PLCL2: variants seen among roughly 807,000 people sequenced by gnomAD.
PLCL2 encodes inactive phospholipase C-like protein 2.
In PLCL2, 4 loss-of-function variants were observed where a neutral mutation model predicts 79.6. That is an observed-to-expected ratio of 0.05 (90% confidence interval 0.02 to 0.11). The LOEUF is 0.11. PLCL2 is among the 10% of genes least tolerant of loss of function. The pLI is 1.00. For synonymous variants in PLCL2, 484 were observed against 457.7 expected (o/e 1.06, Z -0.73); for missense variants, 895 against 1,291.0 (o/e 0.69, Z 4.70).
chr3:17,089,697 A>G (rs764209131), intron 5 of PLCL2, 36 bp from the exon 6 acceptor site: 7 of 1,218,240 alleles, frequency 5.7e-6, no homozygotes, highest in Non-Finnish European at 8.3e-6. Flanking sequence ...AAGTTATGTC[A>G]TATCTAATAC....
intron 1 of PLCL2, among the ~76,000 whole-genome samples, chr3:16,897,571 T>C (rs770259381): frequency 2.6e-5 from 4 of 152,260 alleles, no homozygotes; most frequent in South Asian, 4.1e-4. Flanking sequence ...CTTTGCTAAA[T>C]GAGTGTAGTA....
chr3:16,955,647 T>C (rs1464304927), intron 1 of PLCL2, among the ~76,000 whole-genome samples: 1 of 152,242 alleles, frequency 6.6e-6, no homozygotes, highest in Non-Finnish European at 1.5e-5. Context: ...ATATTGGTTC[T>C]TCCTACCCAT....
chr3:17,029,160 C>T (rs2064551646), intron 3 of PLCL2, among the ~76,000 whole-genome samples: 1 of 151,998 alleles, frequency 6.6e-6, no homozygotes, highest in Non-Finnish European at 1.5e-5. Flanking sequence ...GCTTGGACAA[C>T]TCCAGATGCT....
At chr3:16,924,610 G>T (rs1452766651) in intron 1 of PLCL2, among the ~76,000 whole-genome samples, 1 of 152,138 alleles carries the variant, frequency 6.6e-6, no homozygotes, top group Non-Finnish European at 1.5e-5. Context: ...CATGCACTCG[G>T]CCCTAGCAAG....
At chr3:16,966,727 C>A (rs1441260735) in intron 1 of PLCL2, among the ~76,000 whole-genome samples, 3 of 152,070 alleles carry the variant, frequency 2.0e-5, no homozygotes, top group South Asian at 2.1e-4. Context: ...GATTTAACTT[C>A]TTCCTGGTTT....
intron 1 of PLCL2, among the ~76,000 whole-genome samples, chr3:16,995,353 G>A (rs2064143084): frequency 6.6e-6 from 1 of 152,220 alleles, no homozygotes; most frequent in African/African-American, 2.4e-5. Context: ...CACACAAAGG[G>A]GAAATGCAGA....
intron 1 of PLCL2, among the ~76,000 whole-genome samples, chr3:16,993,028 G>A (rs142815634): frequency 6.8e-4 from 104 of 152,278 alleles, no homozygotes; most frequent in African/African-American, 2.1e-3. Flanking sequence ...TGAAGCCTAC[G>A]AGTTGAAAGT....
At chr3:16,990,128 G>GTGA (rs10659825) in intron 1 of PLCL2, among the ~76,000 whole-genome samples, 42,437 of 151,876 alleles carry the variant, frequency 0.28, 6,457 homozygotes, top group East Asian at 0.57. Context: ...GACGATGATG[G>GTGA]TGATGATGAT....
intron 1 of PLCL2, among the ~76,000 whole-genome samples, chr3:16,893,465 G>A (rs541369712): frequency 1.3e-5 from 2 of 152,250 alleles, no homozygotes; most frequent in East Asian, 1.9e-4. Flanking sequence ...TAAATGTACT[G>A]ATTTGGATAT....
At chr3:17,066,478 T>C (rs1218000936) in intron 4 of PLCL2, among the ~76,000 whole-genome samples, 1 of 152,216 alleles carries the variant, frequency 6.6e-6, no homozygotes, top group East Asian at 1.9e-4. Context: ...TGTAAAGAGT[T>C]GCTTCGAAAT....
At chr3:16,970,038 T>TTATATATATA (rs71266500) in intron 1 of PLCL2, among the ~76,000 whole-genome samples, 49 of 135,880 alleles carry the variant, frequency 3.6e-4, no homozygotes, top group African/African-American at 1.0e-3. Context: ...TGGCTTTGAT[T>TTATATATATA]TATATATATA....
chr3:17,049,510 A>G (rs1293460877), intron 4 of PLCL2, among the ~76,000 whole-genome samples: 1 of 152,234 alleles, frequency 6.6e-6, no homozygotes, highest in Non-Finnish European at 1.5e-5. Context: ...GCATGCAAAA[A>G]TCAGTAGCAT....
chr3:16,964,760 C>A (rs1362155574), intron 1 of PLCL2, among the ~76,000 whole-genome samples: 1 of 152,112 alleles, frequency 6.6e-6, no homozygotes, highest in African/African-American at 2.4e-5. Context: ...TTGCATTTCT[C>A]TGATGGCCAG....
At chr3:16,960,703 C>G (rs1441639670) in intron 1 of PLCL2, among the ~76,000 whole-genome samples, 1 of 152,160 alleles carries the variant, frequency 6.6e-6, no homozygotes, top group Non-Finnish European at 1.5e-5. Context: ...GAGTATTTTT[C>G]ATTTATGTCT....
chr3:17,054,396 G>C (rs2064873249), intron 4 of PLCL2, among the ~76,000 whole-genome samples: 1 of 152,060 alleles, frequency 6.6e-6, no homozygotes, highest in African/African-American at 2.4e-5. Flanking sequence ...TCATCTTCCT[G>C]TCTTTTTCTG....
chr3:16,944,079 T>G (rs2063579654), intron 1 of PLCL2, among the ~76,000 whole-genome samples: 1 of 152,214 alleles, frequency 6.6e-6, no homozygotes, highest in Non-Finnish European at 1.5e-5. Context: ...TTCTCTTTAT[T>G]GCACTTACTA....
At chr3:17,067,880 G>A (rs953760165) in intron 4 of PLCL2, 76 bp from the exon 5 acceptor site, 2 of 781,438 alleles carry the variant, frequency 2.6e-6, no homozygotes, top group African/African-American at 3.5e-5. Context: ...GCTGTACCTA[G>A]AAAAAGAAAT....
chr3:17,033,438 A>G (rs1397356047), intron 3 of PLCL2, among the ~76,000 whole-genome samples: 2 of 152,188 alleles, frequency 1.3e-5, no homozygotes, highest in African/African-American at 4.8e-5. Flanking sequence ...ATTTTTTGGA[A>G]ATATTTTGAA....
At chr3:17,060,469 A>C (rs1336696474) in intron 4 of PLCL2, among the ~76,000 whole-genome samples, 2 of 152,188 alleles carry the variant, frequency 1.3e-5, no homozygotes, top group African/African-American at 4.8e-5. Flanking sequence ...ACCAACTGGA[A>C]CTATCTGAAA....
Sources: gnomAD v4.1 joint callset for allele counts (sites outside exome capture counted in the v4.1 genomes callset) on GRCh38, gnomAD v4.1.1 for gene constraint, MANE v1.5 for transcripts, NCBI Gene and HGNC (gene_info 2026-07-23, HGNC 2026-07-21) for gene names.